The following CACNA2D3 variants were observed in gnomAD, a reference collection of about 807,000 sequenced individuals.
CACNA2D3 encodes the protein voltage-dependent calcium channel subunit alpha-2/delta-3.
In CACNA2D3, 60 loss-of-function variants were observed where a neutral mutation model predicts 160.6. The ratio of observed to expected loss-of-function variants is 0.37; its 90% CI spans 0.30 to 0.46. The LOEUF is 0.46. CACNA2D3 is among the 20% of genes least tolerant of loss of function. CACNA2D3 has a pLI of 1.00. For synonymous variants in CACNA2D3, 558 were observed against 492.9 expected (o/e 1.13, Z -1.75); for missense variants, 1,205 against 1,365.0 (o/e 0.88, Z 1.85).
intron 9 of CACNA2D3, 56 bp from the exon 10 acceptor site, chr3:54,627,731 T>C: frequency 9.7e-7 from 1 of 1,026,192 alleles, no homozygotes; most frequent in South Asian, 1.3e-5. Context: ...TCATTCAAGG[T>C]TGGTGTTTCA....
chr3:54,933,148 C>T (rs567260896), intron 27 of CACNA2D3, among the ~76,000 whole-genome samples: 178 of 147,034 alleles, frequency 1.2e-3, no homozygotes, highest in Non-Finnish European at 2.4e-3. Flanking sequence ...ATTTACTATC[C>T]TATAAGAGAT....
intron 4 of CACNA2D3, among the ~76,000 whole-genome samples, chr3:54,499,356 A>C (rs1327186819): frequency 1.3e-5 from 2 of 152,134 alleles, no homozygotes; most frequent in Non-Finnish European, 2.9e-5. Flanking sequence ...AAAAAGAACA[A>C]ATTTTTGGTT....
chr3:54,132,137 C>G (rs1010058260), intron 2 of CACNA2D3, among the ~76,000 whole-genome samples: 4 of 152,202 alleles, frequency 2.6e-5, no homozygotes, highest in African/African-American at 9.7e-5. Context: ...GTACAAACAG[C>G]TCAATGGGCA....
At chr3:54,641,508 T>C (rs1028562440) in intron 10 of CACNA2D3, among the ~76,000 whole-genome samples, 2 of 152,192 alleles carry the variant, frequency 1.3e-5, no homozygotes, top group Non-Finnish European at 1.5e-5. Context: ...AAAGTCTTAG[T>C]TGAATCTCTC....
At chr3:54,215,183 C>T (rs1309719751) in intron 2 of CACNA2D3, among the ~76,000 whole-genome samples, 2 of 152,116 alleles carry the variant, frequency 1.3e-5, no homozygotes, top group Non-Finnish European at 2.9e-5. Flanking sequence ...ATTCAAATAT[C>T]CTACCCCCCA....
At chr3:54,626,230 CAGA>C in intron 9 of CACNA2D3, 1 of 967,126 alleles carries the variant, frequency 1.0e-6, no homozygotes, top group East Asian at 2.6e-5. Context: ...AGAAGTAGAG[CAGA>C]AGAAGCAGAC....
At chr3:54,470,635 C>G (rs1700713771) in intron 4 of CACNA2D3, among the ~76,000 whole-genome samples, 1 of 152,164 alleles carries the variant, frequency 6.6e-6, no homozygotes, top group Non-Finnish European at 1.5e-5. Context: ...AAGACACAGA[C>G]TGGCAAATTG....
chr3:54,446,650 T>C (rs1468477694), intron 4 of CACNA2D3, among the ~76,000 whole-genome samples: 1 of 152,140 alleles, frequency 6.6e-6, no homozygotes, highest in Admixed American at 6.6e-5. Context: ...ATTTGGGGTA[T>C]AGTGCTAATG....
intron 13 of CACNA2D3, among the ~76,000 whole-genome samples, chr3:54,801,414 C>T (rs767656080): frequency 1.3e-5 from 2 of 152,142 alleles, no homozygotes; most frequent in Non-Finnish European, 2.9e-5. Flanking sequence ...CTGAAATGTG[C>T]AATACCCTTT....
intron 11 of CACNA2D3, among the ~76,000 whole-genome samples, chr3:54,650,618 G>T (rs1289519926): frequency 1.3e-5 from 2 of 152,106 alleles, no homozygotes; most frequent in African/African-American, 4.8e-5. Flanking sequence ...ACCTGCCTCG[G>T]CCTCCCAAAG....
chr3:54,793,142 G>A (rs1464797454), intron 13 of CACNA2D3, among the ~76,000 whole-genome samples: 2 of 152,192 alleles, frequency 1.3e-5, no homozygotes, highest in Non-Finnish European at 2.9e-5. Flanking sequence ...GAGTAGAGGA[G>A]ATGACAGAAA....
At chr3:54,455,430 A>G (rs1700380400) in intron 4 of CACNA2D3, among the ~76,000 whole-genome samples, 2 of 151,982 alleles carry the variant, frequency 1.3e-5, no homozygotes, top group Non-Finnish European at 2.9e-5. Context: ...TTTTAATCAG[A>G]TTATTTGTTT....
intron 2 of CACNA2D3, among the ~76,000 whole-genome samples, chr3:54,307,624 T>A (rs1703643309): frequency 6.6e-6 from 1 of 152,194 alleles, no homozygotes; most frequent in South Asian, 2.1e-4. Flanking sequence ...GTCTCTTTAC[T>A]CAATTTGGAG....
Position 54,764,183 on chromosome 3 carries a change from G to C in CACNA2D3, c.1247-35G>C, listed in dbSNP as rs3821657. On this transcript the variant is annotated intron_variant, in intron 12 of 37. Transcript: ENST00000474759. ...TTCCCAGTTGCAAGTCTTTCTGTCTGTTACTAAACTTGGCCCTCCCTTGGG... is the reference window on the plus strand; with the variant it reads ...TTCCCAGTTGCAAGTCTTTCTGTCTCTTACTAAACTTGGCCCTCCCTTGGG... 8 of 1,612,386 alleles carry C rather than the reference G, an allele frequency of 5.0e-6. No individual in the cohort carries two copies. The East Asian group carries it at 1.8e-4, about 36-fold the overall frequency.
At chr3:54,334,056 G>A (rs1452700990) in intron 3 of CACNA2D3, among the ~76,000 whole-genome samples, 2 of 152,182 alleles carry the variant, frequency 1.3e-5, no homozygotes, top group African/African-American at 4.8e-5. Flanking sequence ...CAGGGACTTT[G>A]CCCCAGTCAT....
At position 54,562,794 on chromosome 3, in the gene CACNA2D3, T is replaced by C. The variant is rs748751648; in HGVS notation, c.545-6T>C. 1.1e-5 allele frequency: 18 copies of C among 1,611,158 alleles called. No homozygotes were observed. Among genetic ancestry groups the C allele is most frequent in the Non-Finnish European group, 1.4e-5 (16 of 1,177,952 alleles). On this transcript the variant is annotated splice_polypyrimidine_tract_variant and splice_region_variant and intron_variant, in intron 5 of 37. Transcript: ENST00000474759. ...ACACCCCTCTCTCTCTCTTTCTTTT[T>C]TACAGACCCTGCAATTGTCAATGGG...
rs112343452 is a variant in CACNA2D3 at position 54,960,164 on chromosome 3, C to T, written c.2450-8286C>T. On this transcript the variant is annotated intron_variant, in intron 27 of 37. Coordinates refer to ENST00000474759, the MANE Select transcript of CACNA2D3 (RefSeq NM_018398.3). ...CCTACACTGGTTCCCAGAAGCCAGT[C>T]ACAGGCAGCAGGTAGGGATGGTTAC... 4.6e-5 allele frequency among the ~76,000 whole-genome samples: 7 copies of T among 151,750 alleles called. 1 individual carries two copies. Among genetic ancestry groups the T allele is most frequent in the African/African-American group, 1.5e-4 (6 of 41,376 alleles).
In CACNA2D3 at chr3:54,596,870, C is replaced by A. The variant is rs535534192; in HGVS notation, c.963+14993C>A. Among the ~76,000 whole-genome samples, 407 of 152,262 alleles carry A rather than the reference C, an allele frequency of 2.7e-3. 3 individuals are homozygous for A. Among genetic ancestry groups the A allele is most frequent in the Non-Finnish European group, 4.8e-3 (328 of 68,030 alleles). On this transcript the variant is annotated intron_variant, in intron 9 of 37. Coordinates refer to ENST00000474759, the MANE Select transcript of CACNA2D3 (RefSeq NM_018398.3). ...TTCTGATCTCAGATAAAATAACATT[C>A]CCTTTAGGAAATCTTCCCTTCCCAC...
chr3:54,796,183 C>A (rs1455497053), intron 13 of CACNA2D3, among the ~76,000 whole-genome samples: 1 of 152,120 alleles, frequency 6.6e-6, no homozygotes, highest in Non-Finnish European at 1.5e-5. Flanking sequence ...TAACAGAGTA[C>A]TTTAAGTTTT....
Sources: allele counts gnomAD v4.1 joint callset (sites outside exome capture counted in the v4.1 genomes callset), GRCh38; gene constraint gnomAD v4.1.1; transcripts MANE v1.5; gene names NCBI Gene and HGNC (gene_info 2026-07-23, HGNC 2026-07-21).